STX8: variants seen among roughly 807,000 people sequenced by gnomAD.
The protein encoded by STX8 is syntaxin 8, also known as syntaxin-8.
Under a neutral mutation model 37.5 loss-of-function variants are expected in STX8, and 23 were observed. That is an observed-to-expected ratio of 0.61 (90% CI 0.44 to 0.87). The LOEUF is 0.87. Ranked by LOEUF, STX8 falls within the 40% of genes least tolerant of loss-of-function variation. STX8 has a pLI of 0.00. For synonymous variants in STX8, 115 were observed against 99.1 expected (o/e 1.16, Z -0.95); for missense variants, 313 against 284.7 (o/e 1.10, Z -0.71).
intron 7 of STX8, among the ~76,000 whole-genome samples, chr17:9,345,848 C>CTTTGTTTTTTTTTTTTT: frequency 1.9e-5 from 1 of 52,076 alleles, no homozygotes; most frequent in Non-Finnish European, 3.4e-5. Context: ...TTATGCATTC[C>CTTTGTTTTTTTTTTTTT]TTTTTTTTTT....
chr17:9,528,863 T>C (rs1011697877), intron 4 of STX8, among the ~76,000 whole-genome samples: 3 of 151,634 alleles, frequency 2.0e-5, no homozygotes, highest in Admixed American at 6.6e-5. Flanking sequence ...ATCATGCATA[T>C]TTTTCCAGAG....
intron 7 of STX8, among the ~76,000 whole-genome samples, chr17:9,359,458 C>T (rs1910988408): frequency 6.6e-6 from 1 of 151,832 alleles, no homozygotes; most frequent in African/African-American, 2.4e-5. Context: ...CTCCCATCAC[C>T]CACAAACTTA....
intron 6 of STX8, among the ~76,000 whole-genome samples, chr17:9,451,141 C>A (rs1054542681): frequency 3.3e-5 from 5 of 152,178 alleles, no homozygotes; most frequent in Admixed American, 6.5e-5. Flanking sequence ...TCCCTTCCAG[C>A]ATTTATCTTG....
At chr17:9,495,748 A>G (rs1292357863) in intron 5 of STX8, among the ~76,000 whole-genome samples, 2 of 152,214 alleles carry the variant, frequency 1.3e-5, no homozygotes, top group Non-Finnish European at 2.9e-5. Context: ...GATTCAGATA[A>G]TCGAGATGCT....
At chr17:9,516,698 T>G (rs932071231) in intron 4 of STX8, among the ~76,000 whole-genome samples, 1 of 152,140 alleles carries the variant, frequency 6.6e-6, no homozygotes, top group Non-Finnish European at 1.5e-5. Context: ...ATTACTGTTC[T>G]AGGTACTAGG....
At chr17:9,414,768 G>A (rs1310932741) in intron 6 of STX8, among the ~76,000 whole-genome samples, 1 of 142,370 alleles carries the variant, frequency 7.0e-6, no homozygotes, top group African/African-American at 2.6e-5. Context: ...TTTGGAAACT[G>A]ATACCTGAGT....
intron 7 of STX8, among the ~76,000 whole-genome samples, chr17:9,337,135 A>T (rs1332068200): frequency 6.6e-6 from 1 of 152,230 alleles, no homozygotes; most frequent in Non-Finnish European, 1.5e-5. Flanking sequence ...ATGAAAAACT[A>T]TCTTGAGAAT....
At chr17:9,426,013 G>A (rs1913614600) in intron 6 of STX8, among the ~76,000 whole-genome samples, 1 of 152,104 alleles carries the variant, frequency 6.6e-6, no homozygotes, top group African/African-American at 2.4e-5. Flanking sequence ...TCTCAAGTAG[G>A]ATCAGCCAAC....
chr17:9,467,456 C>T (rs1284404579), intron 6 of STX8: 1 of 152,196 alleles, frequency 6.6e-6, no homozygotes, highest in Non-Finnish European at 1.5e-5. Flanking sequence ...AATATCCATC[C>T]ACTCCCCTCC....
intron 4 of STX8, among the ~76,000 whole-genome samples, chr17:9,544,647 C>G (rs967156794): frequency 6.6e-6 from 1 of 152,154 alleles, no homozygotes; most frequent in East Asian, 1.9e-4. Context: ...TTAGTATGTT[C>G]CACCCAAGAT....
intron 6 of STX8, among the ~76,000 whole-genome samples, chr17:9,413,416 T>C (rs985246516): frequency 1.3e-5 from 2 of 152,166 alleles, no homozygotes; most frequent in Admixed American, 6.5e-5. Context: ...CTGTGATTCT[T>C]GGGAATTCTT....
chr17:9,372,634 C>T (rs1467205904), intron 7 of STX8, among the ~76,000 whole-genome samples: 7 of 151,676 alleles, frequency 4.6e-5, no homozygotes, highest in African/African-American at 1.5e-4. Flanking sequence ...CGCACCACCA[C>T]GCCTGGCTAA....
intron 6 of STX8, among the ~76,000 whole-genome samples, chr17:9,391,356 G>T (rs557521312): frequency 1.3e-5 from 2 of 152,230 alleles, no homozygotes; most frequent in African/African-American, 4.8e-5. Flanking sequence ...GGAGGCTGAG[G>T]CAGGAGAATT....
rs73252152 is a variant in STX8, at chr17:9,557,893, C to T, written c.118-365G>A. 8.4e-3 allele frequency among the ~76,000 whole-genome samples: 1,273 copies of T among 152,258 alleles called. 19 individuals are homozygous for T. Among genetic ancestry groups the T allele is most frequent in the African/African-American group, 0.029 (1,225 of 41,562 alleles). ...TGGAACCACGCAGGAAATTGTGTTC[C>T]CCGAGTCTTCATTTGAGAGCAAAAA... On this transcript the variant is annotated intron_variant, in intron 2 of 7. Transcript: ENST00000306357.
At chr17:9,307,620 G>A (rs1040824066) in intron 7 of STX8, among the ~76,000 whole-genome samples, 7 of 152,162 alleles carry the variant, frequency 4.6e-5, no homozygotes, top group Admixed American at 1.3e-4. Flanking sequence ...GCCTGGAAGC[G>A]GGGTGGAATT....
chr17:9,260,601 G>A (rs927969220), intron 7 of STX8, among the ~76,000 whole-genome samples: 3 of 152,114 alleles, frequency 2.0e-5, no homozygotes, highest in African/African-American at 7.2e-5. Context: ...TCTAGCCTGG[G>A]CAACAGAGTG....
At chr17:9,497,333 ATTG>A (rs1408819346) in intron 5 of STX8, among the ~76,000 whole-genome samples, 1 of 152,254 alleles carries the variant, frequency 6.6e-6, no homozygotes, top group African/African-American at 2.4e-5. Flanking sequence ...TTCAGGAAAT[ATTG>A]TTAACTTCTT....
intron 6 of STX8, among the ~76,000 whole-genome samples, chr17:9,471,193 C>T (rs1905852011): frequency 1.4e-5 from 2 of 144,548 alleles, no homozygotes; most frequent in Admixed American, 7.0e-5. Flanking sequence ...ACTCTGTCGC[C>T]TAGGCTGGAA....
At chr17:9,510,194 A>G (rs531293728) in intron 4 of STX8, among the ~76,000 whole-genome samples, 1 of 152,312 alleles carries the variant, frequency 6.6e-6, no homozygotes, top group African/African-American at 2.4e-5. Context: ...TGGAGATTCT[A>G]ACATCTCACT....
Sources: gnomAD v4.1 joint callset for allele counts (sites outside exome capture counted in the v4.1 genomes callset) on GRCh38, gnomAD v4.1.1 for gene constraint, MANE v1.5 for transcripts, NCBI Gene and HGNC (gene_info 2026-07-23, HGNC 2026-07-21) for gene names.